AFAP1L2: variants seen among roughly 807,000 people sequenced by gnomAD.
AFAP1L2 encodes actin filament associated protein 1 like 2.
AFAP1L2 carries 46 observed loss-of-function variants against 99.3 expected under a neutral mutation model. That is an observed-to-expected ratio of 0.46 (90% CI 0.37 to 0.59). AFAP1L2 has a LOEUF of 0.59. AFAP1L2 is among the 20% of genes least tolerant of loss of function. AFAP1L2 has a pLI of 0.00. For missense variants in AFAP1L2, 959 were observed against 1,034.9 expected, an observed-to-expected ratio of 0.93 and a Z score of 1.01; for synonymous variants, 397 against 419.1, an observed-to-expected ratio of 0.95 and a Z score of 0.64.
upstream of AFAP1L2, chr10:114,404,613 C>T (rs2058556477): frequency 4.6e-6 from 5 of 1,098,210 alleles, no homozygotes; most frequent in Admixed American, 1.3e-4. Flanking sequence ...TCGGACCTGG[C>T]CCCCGCCAGG....
At chr10:114,371,231 C>A (rs551768271) in intron 1 of AFAP1L2, among the ~76,000 whole-genome samples, 1 of 152,242 alleles carries the variant, frequency 6.6e-6, no homozygotes, top group African/African-American at 2.4e-5. Flanking sequence ...CTTTGCTCAG[C>A]CTGGTTGTTG....
At chr10:114,339,434 G>A (rs2048460413) in intron 2 of AFAP1L2, among the ~76,000 whole-genome samples, 1 of 152,154 alleles carries the variant, frequency 6.6e-6, no homozygotes, top group South Asian at 2.1e-4. Flanking sequence ...GCGACAGAAC[G>A]AGACTCCGTC....
intron 1 of AFAP1L2, among the ~76,000 whole-genome samples, chr10:114,375,147 G>A (rs1041762512): frequency 2.2e-4 from 33 of 152,120 alleles, no homozygotes; most frequent in Non-Finnish European, 4.6e-4. Context: ...ATCAAAAGAA[G>A]GATAATATTT....
intron 4 of AFAP1L2, among the ~76,000 whole-genome samples, chr10:114,328,622 C>G (rs988322798): frequency 6.6e-6 from 1 of 152,210 alleles, no homozygotes; most frequent in African/African-American, 2.4e-5. Flanking sequence ...TTGTTGGCCA[C>G]GGTTGATGGT....
At chr10:114,365,779 G>T (rs1233644026) in intron 1 of AFAP1L2, among the ~76,000 whole-genome samples, 1 of 149,474 alleles carries the variant, frequency 6.7e-6, no homozygotes, top group Non-Finnish European at 1.5e-5. Flanking sequence ...AGACTGGAAT[G>T]CAGTGGCATG....
Position 114,404,429 on chromosome 10 carries a change from C to T in AFAP1L2, c.16+11G>A. The T allele has an allele frequency of 1.9e-6, 3 of 1,543,252 alleles. No homozygotes were observed. The highest frequency in any genetic ancestry group is 2.6e-6 in the Non-Finnish European group (3 of 1,146,296). The stretch of plus-strand genomic sequence containing the variant: ...GTGGGTGTGCGCCGCGCGAGGAACC[C>T]GCGCCCTCACCTTTGTACCGCTCCA... On this transcript the variant is annotated intron_variant, in intron 1 of 18. Transcript: ENST00000304129.
chr10:114,319,546 G>A (rs764504141), intron 5 of AFAP1L2: 37 of 1,288,274 alleles, frequency 2.9e-5, no homozygotes, highest in East Asian at 5.6e-5. Flanking sequence ...ATTCCAGCTC[G>A]GGGAGTAAGC....
At chr10:114,361,535 A>T (rs539527453) in intron 1 of AFAP1L2, among the ~76,000 whole-genome samples, 4 of 152,288 alleles carry the variant, frequency 2.6e-5, no homozygotes, top group Non-Finnish European at 5.9e-5. Context: ...CTCACTCAAG[A>T]TCAGTACTCC....
rs530575938 is a variant in AFAP1L2, at chr10:114,358,776, G to A, written c.17-18045C>T. Among the ~76,000 whole-genome samples the A allele has an allele frequency of 1.5e-3, 222 of 152,180 alleles. 2 individuals carry two copies. The highest frequency in any genetic ancestry group is 5.1e-3 in the African/African-American group (212 of 41,530). On this transcript the variant is annotated intron_variant, in intron 1 of 18. Coordinates refer to ENST00000304129, the MANE Select transcript of AFAP1L2 (RefSeq NM_001001936.3). ...CTAAAAATACAAAAATTAGCCGGGC[G>A]TGGTGGCAGATACCTGTAATCCCAG...
chr10:114,308,513 T>A lies in AFAP1L2; in HGVS notation c.887A>T (p.Asp296Val). The change falls in exon 9 of 19, where the codon GAT becomes GTT. Residue 296 changes from aspartate (D) to valine (V), a missense_variant. Asp to Val is a radical substitution (Grantham distance 152). Transcript: ENST00000304129. ...AGCCGACAGGTACTTCTCAGCTATA[T>A]CTGGCTATGGACAAAAGCGACATGA... Reference protein sequence around the residue: ...DAQRFNCQKPDIAEKYLSASE... With the variant: ...DAQRFNCQKPVIAEKYLSASE... 1 of 1,614,112 alleles carries A rather than the reference T, an allele frequency of 6.2e-7. No homozygotes were observed. Among genetic ancestry groups the A allele is most frequent in the Non-Finnish European group, 8.5e-7 (1 of 1,180,000 alleles).
intron 1 of AFAP1L2, among the ~76,000 whole-genome samples, chr10:114,348,315 G>C (rs2136128547): frequency 6.6e-6 from 1 of 152,280 alleles, no homozygotes; most frequent in South Asian, 2.1e-4. Context: ...ACCCTCAGCT[G>C]TGTTAGGCAC....
chr10:114,383,031 A>G (rs2055917305), intron 1 of AFAP1L2, among the ~76,000 whole-genome samples: 1 of 152,090 alleles, frequency 6.6e-6, no homozygotes, highest in Non-Finnish European at 1.5e-5. Flanking sequence ...TATAACAAAC[A>G]CTCACATGTA....
chr10:114,296,552 C>G (rs570643970), intron 18 of AFAP1L2: 4 of 213,150 alleles, frequency 1.9e-5, no homozygotes, highest in Non-Finnish European at 3.8e-5. Flanking sequence ...GAGAATTTTG[C>G]CAGTAGTTGG....
Position 114,333,242 on chromosome 10 carries a change from T to G in AFAP1L2, c.199A>C (p.Asn67His), listed in dbSNP as rs2047482496. ...ATACCTTTGCCTTGAGACTCTGCAT[T>G]CTGTTGCTTGTTGATGGTCACTTTG... The part of the protein sequence containing the change: ...MNKVTINKQQ[N>H]AESQGKAPEE... The change falls in exon 3 of 19, where the codon AAT becomes CAT. Residue 67 changes from asparagine to histidine, a missense_variant. By Grantham distance (68) the Asn-to-His change is moderately conservative. Transcript: ENST00000304129. 1 of 1,613,766 alleles carries G rather than the reference T, an allele frequency of 6.2e-7. No homozygotes were observed. The highest frequency in any genetic ancestry group is 1.1e-5 in the South Asian group (1 of 91,072).
chr10:114,363,278 T>C (rs1421812333), intron 1 of AFAP1L2: 9 of 662,338 alleles, frequency 1.4e-5, no homozygotes, highest in South Asian at 6.7e-5. Context: ...TACCGTAACA[T>C]GTAGCCTGCA....
At chr10:114,297,552 G>C (rs1457952097) in intron 16 of AFAP1L2, 139 bp from the exon 17 acceptor site, 5 of 920,406 alleles carry the variant, frequency 5.4e-6, no homozygotes, top group Non-Finnish European at 8.0e-6. Context: ...GAGCCAGGAG[G>C]GGCCTGTATG....
the AFAP1L2 span, chr10:114,282,674 C>T: frequency 9.7e-7 from 1 of 1,030,450 alleles, no homozygotes; most frequent in Non-Finnish European, 1.5e-6. Flanking sequence ...GGGGTTGTGA[C>T]TGGCTCCAGG....
intron 5 of AFAP1L2, among the ~76,000 whole-genome samples, chr10:114,321,566 C>T (rs2045330136): frequency 6.6e-6 from 1 of 152,206 alleles, no homozygotes; most frequent in South Asian, 2.1e-4. Context: ...GAACCAACAA[C>T]ACCTTCCTCA....
chr10:114,400,941 A>G (rs2058175032), intron 1 of AFAP1L2, among the ~76,000 whole-genome samples: 1 of 152,222 alleles, frequency 6.6e-6, no homozygotes, highest in South Asian at 2.1e-4. Context: ...GCATTGAAAA[A>G]TAACAAATAC....
Sources: gnomAD v4.1 joint callset for allele counts (sites outside exome capture counted in the v4.1 genomes callset) on GRCh38, gnomAD v4.1.1 for gene constraint, MANE v1.5 for transcripts, NCBI Gene and HGNC (gene_info 2026-07-23, HGNC 2026-07-21) for gene names.